ECHDC2: variants seen among roughly 807,000 people sequenced by gnomAD.
The protein encoded by ECHDC2 is enoyl-CoA hydratase domain containing 2.
ECHDC2 carries 34 observed loss-of-function variants against 40.6 expected under a neutral mutation model. The ratio of observed to expected loss-of-function variants is 0.84; its 90% confidence interval spans 0.64 to 1.11. The LOEUF (loss-of-function observed/expected upper bound fraction) is 1.11. ECHDC2 is among the 50% of genes most tolerant of loss of function. The probability of loss-of-function intolerance (pLI) is 0.00; values close to 1 mark genes in which losing one functional copy is unlikely to be tolerated. For synonymous variants in ECHDC2, 162 were observed against 166.6 expected (o/e 0.97, Z 0.21); for missense variants, 392 against 400.7 (o/e 0.98, Z 0.19).
At chr1:52,920,675 C>G (rs1452549691) in intron 1 of ECHDC2, 1 of 655,652 alleles carries the variant, frequency 1.5e-6, no homozygotes, top group Non-Finnish European at 2.7e-6. Context: ...GCCATAACAT[C>G]TTTTGCCACC....
chr1:52,905,994 T>C (rs936511135), intron 5 of ECHDC2: 1 of 276,094 alleles, frequency 3.6e-6, no homozygotes, highest in African/African-American at 2.3e-5. Flanking sequence ...AGAAGGCTGC[T>C]CCTAATCACC....
intron 7 of ECHDC2, among the ~76,000 whole-genome samples, chr1:52,903,858 C>T (rs1449337233): frequency 5.4e-5 from 8 of 148,412 alleles, no homozygotes; most frequent in African/African-American, 7.5e-5. Flanking sequence ...CTCGTCCTGT[C>T]GCCCAGTGGA....
intron 4 of ECHDC2, chr1:52,907,133 T>A (rs1483125757): frequency 6.7e-6 from 1 of 150,278 alleles, no homozygotes; most frequent in Non-Finnish European, 1.5e-5. Context: ...GTCTCGCTGT[T>A]GTTGCCCAGG....
chr1:52,903,254 A>G (rs1247202808), intron 7 of ECHDC2, among the ~76,000 whole-genome samples: 2 of 151,826 alleles, frequency 1.3e-5, no homozygotes, highest in East Asian at 3.9e-4. Flanking sequence ...TTGTTTGAGG[A>G]TTTTTAATTT....
chr1:52,916,831 CT>C (rs1476034023), intron 1 of ECHDC2, among the ~76,000 whole-genome samples: 1 of 152,226 alleles, frequency 6.6e-6, no homozygotes, highest in Admixed American at 6.5e-5. Flanking sequence ...CCTTCCCACT[CT>C]TACCAAACCT....
intron 1 of ECHDC2, chr1:52,915,272 T>A: frequency 4.4e-6 from 2 of 455,966 alleles, no homozygotes; most frequent in African/African-American, 2.0e-5. Flanking sequence ...TATTATTATC[T>A]CCCAGGGTCC....
intron 8 of ECHDC2, chr1:52,898,179 C>A (rs1303006307): frequency 6.5e-6 from 1 of 152,904 alleles, no homozygotes; most frequent in Admixed American, 6.5e-5. Context: ...AGCACGTGAA[C>A]TGTGATTAGC....
intron 7 of ECHDC2, chr1:52,901,879 A>T (rs148296416): frequency 6.6e-6 from 1 of 152,326 alleles, no homozygotes; most frequent in East Asian, 1.9e-4. Context: ...ACAGGTCTAG[A>T]TATGAAAGCT....
Position 52,915,355 on chromosome 1 carries a change from A to C in ECHDC2, c.122-3565T>G. ...GTTTAAGCTGATCAGAGACACAGAA[A>C]GGCCAATGAAAGTTTCTGGGCTCTC... is the stretch of plus-strand genomic sequence containing the variant. On this transcript the variant is annotated intron_variant, in intron 1 of 9. Transcript: ENST00000371522. 11 of 456,034 alleles carry C rather than the reference A, an allele frequency of 2.4e-5. 1 individual carries two copies. The highest frequency in any genetic ancestry group is 1.5e-4 in the South Asian group (10 of 64,552). 28.2% of individuals were successfully genotyped at this position (456,034 alleles called of 1,614,324 possible). A position where few individuals can be genotyped will look rare whatever the true frequency, so the allele number is the denominator to read the frequency against.
intron 1 of ECHDC2, among the ~76,000 whole-genome samples, chr1:52,917,012 C>G (rs535243534): frequency 3.6e-4 from 55 of 152,224 alleles, no homozygotes; most frequent in African/African-American, 1.3e-3. Context: ...TCACCTGAGT[C>G]AGGAGTTCAA....
In ECHDC2 at chr1:52,911,713, C is replaced by A. The variant is rs1208210488; in HGVS notation, c.189+10G>T. The stretch of plus-strand genomic sequence containing the variant: ...ATCCCCAGCCCACCCTGGCGCCCGC[C>A]CTTTCTTACCTCACTGACGAAGACA... On this transcript the variant is annotated intron_variant, in intron 2 of 9. Transcript: ENST00000371522. 5 of 1,614,178 alleles carry A rather than the reference C, an allele frequency of 3.1e-6. No individual in the cohort carries two copies. The highest frequency in any genetic ancestry group is 3.4e-6 in the Non-Finnish European group (4 of 1,180,010).
intron 1 of ECHDC2, among the ~76,000 whole-genome samples, chr1:52,912,528 T>A (rs1361570074): frequency 6.6e-6 from 1 of 151,590 alleles, no homozygotes; most frequent in Admixed American, 6.6e-5. Context: ...ACAGCAGACT[T>A]CTTCCTCTAG....
At position 52,895,927 on chromosome 1, in the gene ECHDC2, T is replaced by G. The variant is rs1646621181; in HGVS notation, c.*593A>C. ...ACTGTAAGTTAACAATTAAAACATA[T>G]TTATTGAATATGAAGTGTTTTTATT... is the stretch of plus-strand genomic sequence containing the variant. On this transcript the variant is annotated 3_prime_UTR_variant, in exon 10 of 10. Transcript: ENST00000371522. 1 of 152,720 alleles carries G rather than the reference T, an allele frequency of 6.5e-6. No homozygotes were observed. Among genetic ancestry groups the G allele is most frequent in the Non-Finnish European group, 1.5e-5 (1 of 68,414 alleles). 9.5% of individuals were successfully genotyped at this position (152,720 alleles called of 1,614,324 possible).
rs1057192372 is a variant in ECHDC2 at position 52,896,337 on chromosome 1, T to C, written c.*183A>G. On this transcript the variant is annotated 3_prime_UTR_variant, in exon 10 of 10. Transcript: ENST00000371522. Reference sequence around the variant, plus strand: ...AGGGTGAAGCTAAGGAAGGTAGCAGTAGGTGGTAGGATCAGCACCTTGGTT... The same window carrying C: ...AGGGTGAAGCTAAGGAAGGTAGCAGCAGGTGGTAGGATCAGCACCTTGGTT... 23 of 602,434 alleles carry C rather than the reference T, an allele frequency of 3.8e-5. No individual in the cohort carries two copies. The highest frequency in any genetic ancestry group is 6.3e-5 in the Non-Finnish European group (21 of 333,678). The allele number at this position is 602,434 out of a possible 1,614,324, so 37.3% of individuals were successfully genotyped here.
At chr1:52,918,108 T>C (rs1166750013) in intron 1 of ECHDC2, among the ~76,000 whole-genome samples, 1 of 152,148 alleles carries the variant, frequency 6.6e-6, no homozygotes, top group Non-Finnish European at 1.5e-5. Flanking sequence ...TGGACAGCCT[T>C]GACCTCCCCG....
At chr1:52,915,993 A>G (rs866880023) in intron 1 of ECHDC2, among the ~76,000 whole-genome samples, 2 of 152,202 alleles carry the variant, frequency 1.3e-5, no homozygotes, top group African/African-American at 2.4e-5. Context: ...ACTTCAGTCC[A>G]ACAACCATAG....
At chr1:52,899,886 C>T (rs1453933160) in intron 7 of ECHDC2, 1 of 152,056 alleles carries the variant, frequency 6.6e-6, no homozygotes, top group Non-Finnish European at 1.5e-5. Flanking sequence ...CTTGGTTCCA[C>T]ACCAGCCCTA....
At chr1:52,906,435 G>T in intron 5 of ECHDC2, 84 bp downstream of exon 5, 2 of 1,173,426 alleles carry the variant, frequency 1.7e-6, no homozygotes, top group South Asian at 1.3e-5. Context: ...AACAGTGGCT[G>T]ACTGCAGAAT....
chr1:52,910,775 C>G (rs1254045039), intron 3 of ECHDC2, among the ~76,000 whole-genome samples: 1 of 152,196 alleles, frequency 6.6e-6, no homozygotes, highest in Non-Finnish European at 1.5e-5. Context: ...GTCAAGTAAA[C>G]GAGAACGGAA....
Sources: gnomAD v4.1 joint callset for allele counts (sites outside exome capture counted in the v4.1 genomes callset) on GRCh38, gnomAD v4.1.1 for gene constraint, MANE v1.5 for transcripts, NCBI Gene and HGNC (gene_info 2026-07-23, HGNC 2026-07-21) for gene names.